DIP2C: variants seen among roughly 807,000 people sequenced by gnomAD.
DIP2C encodes disco-interacting protein 2 homolog C.
Under a neutral mutation model 192.4 loss-of-function variants are expected in DIP2C, and 33 were observed. The observed-to-expected ratio is 0.17, with a 90% CI of 0.13 to 0.23. The LOEUF (loss-of-function observed/expected upper bound fraction) is 0.23, where lower values mean the gene tolerates loss of function less well. Among genes scored for constraint, DIP2C ranks in the 10% least tolerant of loss-of-function variants. The pLI, the probability that DIP2C is intolerant of heterozygous loss-of-function variation, is 1.00. For missense variants in DIP2C, 1,537 were observed against 2,110.1 expected, an observed-to-expected ratio of 0.73 and a Z score of 5.32; for synonymous variants, 979 against 864.1, an observed-to-expected ratio of 1.13 and a Z score of -2.33.
At chr10:445,714 C>T (rs980970653) in intron 3 of DIP2C, among the ~76,000 whole-genome samples, 1 of 151,326 alleles carries the variant, frequency 6.6e-6, no homozygotes, top group Non-Finnish European at 1.5e-5. Context: ...TGTGAAGAGT[C>T]TCACAGTCCA....
chr10:511,995 G>T (rs951497975), intron 1 of DIP2C, among the ~76,000 whole-genome samples: 1 of 152,130 alleles, frequency 6.6e-6, no homozygotes. Flanking sequence ...CTCGGTAAAA[G>T]CGTGAGCACC....
At chr10:464,227 A>C (rs1431497073) in intron 3 of DIP2C, among the ~76,000 whole-genome samples, 3 of 152,182 alleles carry the variant, frequency 2.0e-5, no homozygotes, top group African/African-American at 7.2e-5. Context: ...AATGGGAGAA[A>C]ATTTTTGCAA....
At chr10:532,452 C>A (rs1019986898) in intron 1 of DIP2C, among the ~76,000 whole-genome samples, 1 of 152,218 alleles carries the variant, frequency 6.6e-6, no homozygotes, top group African/African-American at 2.4e-5. Flanking sequence ...TACCTTAGAG[C>A]AACCAAAACA....
At chr10:598,282 A>AC (rs1478744795) in intron 1 of DIP2C, among the ~76,000 whole-genome samples, 2 of 150,178 alleles carry the variant, frequency 1.3e-5, no homozygotes, top group Admixed American at 6.6e-5. Flanking sequence ...GGCACCGGCC[A>AC]CCAAGGGCCT....
intron 1 of DIP2C, among the ~76,000 whole-genome samples, chr10:521,317 G>A (rs923528771): frequency 7.2e-5 from 11 of 152,170 alleles, no homozygotes; most frequent in South Asian, 2.1e-4. Flanking sequence ...TGAGGATTAC[G>A]AGCAGCCTGT....
At chr10:480,382 A>G (rs1843515605) in intron 2 of DIP2C, among the ~76,000 whole-genome samples, 2 of 148,250 alleles carry the variant, frequency 1.3e-5, no homozygotes, top group South Asian at 4.3e-4. Flanking sequence ...TGCTCACTGG[A>G]TAAGACTCAT....
At chr10:344,354 G>C (rs546279923) in intron 28 of DIP2C, among the ~76,000 whole-genome samples, 3 of 140,444 alleles carry the variant, frequency 2.1e-5, no homozygotes, top group African/African-American at 7.8e-5. Context: ...GGGGGCAGAC[G>C]GCACACAAGG....
At chr10:561,515 T>C (rs1030638782) in intron 1 of DIP2C, among the ~76,000 whole-genome samples, 3 of 152,214 alleles carry the variant, frequency 2.0e-5, no homozygotes, top group African/African-American at 7.2e-5. Flanking sequence ...TCAAGGCTTT[T>C]GGCTGTTGCT....
chr10:341,375 C>T (rs1958137074), intron 28 of DIP2C, 46 bp from the exon 29 acceptor site: 1 of 1,610,706 alleles, frequency 6.2e-7, no homozygotes, highest in Non-Finnish European at 8.5e-7. Context: ...CTGACACCCT[C>T]AGACACCCGG....
In DIP2C at chr10:597,885, CAGG is replaced by C. The variant is rs544521842; in HGVS notation, c.85+91606_85+91608del. Among the ~76,000 whole-genome samples, 110 of 152,256 alleles carry C rather than the reference CAGG, an allele frequency of 7.2e-4. 1 individual carries two copies. The highest frequency in any genetic ancestry group is 2.4e-3 in the African/African-American group (100 of 41,528). On this transcript the variant is annotated intron_variant, in intron 1 of 36. Transcript: ENST00000280886. ...CTATTTATGGAAATACGGGAGAAAC[CAGG>C]AGGTCTGAACGTGGACCTGGCCATG...
intron 26 of DIP2C, among the ~76,000 whole-genome samples, chr10:347,485 C>A (rs1958547518): frequency 9.5e-6 from 1 of 105,736 alleles, no homozygotes. Context: ...ACCCCACACT[C>A]ACCCGGACAC....
intron 1 of DIP2C, among the ~76,000 whole-genome samples, chr10:606,156 T>C (rs1852450908): frequency 6.6e-6 from 1 of 152,238 alleles, no homozygotes; most frequent in Non-Finnish European, 1.5e-5. Context: ...GGGTTCTAAG[T>C]TGTCCTCAGA....
intron 3 of DIP2C, among the ~76,000 whole-genome samples, chr10:443,830 A>G (rs1967933552): frequency 6.6e-6 from 1 of 152,210 alleles, no homozygotes; most frequent in South Asian, 2.1e-4. Context: ...CCACTGTGAA[A>G]AATCTATCAA....
intron 1 of DIP2C, among the ~76,000 whole-genome samples, chr10:543,188 T>C (rs1261986645): frequency 1.3e-5 from 2 of 152,268 alleles, no homozygotes; most frequent in African/African-American, 4.8e-5. Context: ...CTGAATCTTC[T>C]GCGTTAGGAA....
At chr10:372,467 C>T (rs910212333) in intron 17 of DIP2C, among the ~76,000 whole-genome samples, 2 of 152,232 alleles carry the variant, frequency 1.3e-5, no homozygotes, top group African/African-American at 4.8e-5. Flanking sequence ...ATTGTGTTTG[C>T]TATAGGAACT....
chr10:598,066 A>G (rs1168798523), intron 1 of DIP2C, among the ~76,000 whole-genome samples: 2 of 152,254 alleles, frequency 1.3e-5, no homozygotes, highest in Non-Finnish European at 2.9e-5. Context: ...CTGGACCTGC[A>G]GAGTCAGCAC....
At chr10:373,194 T>G (rs547650530) in intron 17 of DIP2C, among the ~76,000 whole-genome samples, 71 of 152,238 alleles carry the variant, frequency 4.7e-4, no homozygotes, top group African/African-American at 1.5e-3. Flanking sequence ...ACTGAGTGAA[T>G]CAGTCTACTG....
At chr10:352,114 G>A (rs564349113) in intron 24 of DIP2C, among the ~76,000 whole-genome samples, 61 of 152,330 alleles carry the variant, frequency 4.0e-4, no homozygotes, top group African/African-American at 1.4e-3. Context: ...TTCGGCTTGT[G>A]GAACTGTTTC....
rs192754675 is a variant in DIP2C at position 680,582 on chromosome 10, A to G, written c.85+8912T>C. Among the ~76,000 whole-genome samples, 323 of 152,332 alleles carry G rather than the reference A, an allele frequency of 2.1e-3. 1 individual carries two copies. Among genetic ancestry groups the G allele is most frequent in the Middle Eastern group, 6.8e-3 (2 of 294 alleles). On this transcript the variant is annotated intron_variant, in intron 1 of 36. Coordinates refer to ENST00000280886, the MANE Select transcript of DIP2C (RefSeq NM_014974.3). ...CCAGTGACGTTTCTGTTTTCATTTC[A>G]GGTAAACTGGCCCACACGGTCTAGT...
Sources: allele counts gnomAD v4.1 joint callset (sites outside exome capture counted in the v4.1 genomes callset), GRCh38; gene constraint gnomAD v4.1.1; transcripts MANE v1.5; gene names NCBI Gene and HGNC (gene_info 2026-07-23, HGNC 2026-07-21).